The following FGD4 variants were observed in gnomAD, a reference collection of about 807,000 sequenced individuals.
FGD4 encodes the protein FYVE, RhoGEF and PH domain containing 4.
FGD4 carries 42 observed loss-of-function variants against 102.0 expected under a neutral mutation model. That is an observed-to-expected ratio of 0.41 (90% CI 0.32 to 0.53). The LOEUF (loss-of-function observed/expected upper bound fraction) is 0.53. Ranked by LOEUF, FGD4 falls within the 20% of genes least tolerant of loss-of-function variation. The pLI is 0.21. For synonymous variants in FGD4, 380 were observed against 375.7 expected (o/e 1.01, Z -0.13); for missense variants, 902 against 1,078.2 (o/e 0.84, Z 2.29).
At chr12:32,423,686 T>A (rs1451786599) in intron 1 of FGD4, among the ~76,000 whole-genome samples, 1 of 151,826 alleles carries the variant, frequency 6.6e-6, no homozygotes. Flanking sequence ...TGGTTGACTA[T>A]TTTTATGGTT....
chr12:32,570,100 C>T (rs1006731145), intron 2 of FGD4, among the ~76,000 whole-genome samples: 6 of 151,804 alleles, frequency 4.0e-5, no homozygotes, highest in Admixed American at 2.0e-4. Flanking sequence ...ATTAGCCAGT[C>T]GTGGGTGGTG....
intron 1 of FGD4, among the ~76,000 whole-genome samples, chr12:32,485,436 A>ATTTTTTT (rs372655892): frequency 8.8e-5 from 10 of 114,204 alleles, no homozygotes; most frequent in African/African-American, 1.6e-4. Context: ...TTTAAGACCA[A>ATTTTTTT]TTTTTTTTTT....
intron 1 of FGD4, among the ~76,000 whole-genome samples, chr12:32,553,000 G>A (rs1223036823): frequency 6.8e-6 from 1 of 146,274 alleles, no homozygotes; most frequent in Non-Finnish European, 1.5e-5. Flanking sequence ...CTCCATGTTG[G>A]TCAGGCTGGT....
chr12:32,605,185 C>T (rs553381238), intron 7 of FGD4, among the ~76,000 whole-genome samples: 209 of 152,160 alleles, frequency 1.4e-3, no homozygotes, highest in African/African-American at 4.8e-3. Context: ...ATGATTCCCC[C>T]GTCTCGGCTT....
At chr12:32,619,962 G>A in intron 11 of FGD4, 92 bp downstream of exon 11, 1 of 1,434,748 alleles carries the variant, frequency 7.0e-7, no homozygotes, top group Non-Finnish European at 9.7e-7. Flanking sequence ...TTTCTCAAGT[G>A]AATGCTGCAT....
At position 32,433,832 on chromosome 12, in the gene FGD4, T is replaced by C. The variant is rs181792234; in HGVS notation, c.166+33873T>C. Among the ~76,000 whole-genome samples the C allele has an allele frequency of 7.2e-4, 109 of 151,978 alleles. 1 individual carries two copies. Among genetic ancestry groups the C allele is most frequent in the African/African-American group, 2.5e-3 (105 of 41,464 alleles). On this transcript the variant is annotated intron_variant, in intron 1 of 16. Transcript: ENST00000534526. ...AGCAAAGGGATTGACTACCTGATAA[T>C]ATATTTACTTATTTATTTATTTATT...
chr12:32,481,706 A>T (rs1414539780), intron 1 of FGD4, among the ~76,000 whole-genome samples: 1 of 151,982 alleles, frequency 6.6e-6, no homozygotes, highest in Non-Finnish European at 1.5e-5. Context: ...CTGCAGTCCT[A>T]GCTACTTGGG....
intron 1 of FGD4, among the ~76,000 whole-genome samples, chr12:32,482,427 A>G (rs1943792543): frequency 6.6e-6 from 1 of 152,236 alleles, no homozygotes; most frequent in Non-Finnish European, 1.5e-5. Context: ...TAGCAACCAG[A>G]CCTTAAACCA....
intron 1 of FGD4, among the ~76,000 whole-genome samples, chr12:32,527,555 G>A (rs12367520): frequency 0.05 from 7,682 of 152,126 alleles, 275 homozygotes; most frequent in South Asian, 0.1. Flanking sequence ...TCAGCCTCCC[G>A]AGTAGCTGGG....
chr12:32,610,058 AT>A (rs1949045446), intron 8 of FGD4, among the ~76,000 whole-genome samples: 1 of 152,192 alleles, frequency 6.6e-6, no homozygotes, highest in African/African-American at 2.4e-5. Context: ...CTGTGAATGT[AT>A]TTTCCCAAAG....
intron 1 of FGD4, among the ~76,000 whole-genome samples, chr12:32,488,269 G>C (rs1052883083): frequency 1.3e-5 from 2 of 152,054 alleles, no homozygotes; most frequent in African/African-American, 4.8e-5. Flanking sequence ...CCAAGATAGT[G>C]TACTGACCTT....
intron 1 of FGD4, among the ~76,000 whole-genome samples, chr12:32,476,298 A>G (rs1221350597): frequency 1.3e-5 from 2 of 152,188 alleles, no homozygotes; most frequent in African/African-American, 4.8e-5. Context: ...ATTGTTGCAT[A>G]ATTAATAATT....
chr12:32,623,186 T>C (rs1417144532), intron 11 of FGD4, among the ~76,000 whole-genome samples: 1 of 151,838 alleles, frequency 6.6e-6, no homozygotes, highest in African/African-American at 2.4e-5. Context: ...AATAAAAATA[T>C]AAAGGGGAAA....
intron 1 of FGD4, among the ~76,000 whole-genome samples, chr12:32,417,861 C>T (rs1347985884): frequency 1.3e-5 from 2 of 151,420 alleles, no homozygotes; most frequent in Non-Finnish European, 2.9e-5. Flanking sequence ...TCTTCAATTT[C>T]TTTGAGTTTC....
chr12:32,544,159 C>T lies in FGD4; in HGVS notation c.167-19978C>T, dbSNP rs1592165249. Reference sequence around the variant, plus strand: ...ATTTGGCCAGAGCCAGCAGCCATGGCTTATGTCTGTAATCCCAGCACTTTG... The same window carrying T: ...ATTTGGCCAGAGCCAGCAGCCATGGTTTATGTCTGTAATCCCAGCACTTTG... On this transcript the variant is annotated intron_variant, in intron 1 of 16. Transcript: ENST00000534526. The surrounding 1 kb of genome is among the most constrained non-coding windows in gnomAD (Gnocchi z 4.1). Among the ~76,000 whole-genome samples the T allele has an allele frequency of 6.6e-6, 1 of 151,952 alleles. No homozygotes were observed. The highest frequency in any genetic ancestry group is 2.4e-5 in the African/African-American group (1 of 41,414).
chr12:32,550,670 CAAAAAAAAAA>C (rs71447606), intron 1 of FGD4, among the ~76,000 whole-genome samples: 7 of 89,238 alleles, frequency 7.8e-5, no homozygotes, highest in African/African-American at 2.6e-4. Flanking sequence ...GACACTGTCT[CAAAAAAAAAA>C]AAAAAAAAAA....
intron 1 of FGD4, among the ~76,000 whole-genome samples, chr12:32,492,508 T>C (rs1022211168): frequency 2.0e-5 from 3 of 152,224 alleles, no homozygotes; most frequent in African/African-American, 7.2e-5. Context: ...TAATTTCTTC[T>C]TTATATCAAA....
At chr12:32,453,720 A>G (rs1942873340) in intron 1 of FGD4, among the ~76,000 whole-genome samples, 1 of 152,146 alleles carries the variant, frequency 6.6e-6, no homozygotes, top group African/African-American at 2.4e-5. Flanking sequence ...TATAATTATT[A>G]TCATACTTTA....
At chr12:32,418,961 C>G (rs1428145113) in intron 1 of FGD4, among the ~76,000 whole-genome samples, 1 of 152,222 alleles carries the variant, frequency 6.6e-6, no homozygotes, top group East Asian at 1.9e-4. Context: ...CCTCCCCTTT[C>G]CACGGGCAGA....
Sources: allele counts gnomAD v4.1 joint callset (sites outside exome capture counted in the v4.1 genomes callset), GRCh38; gene constraint gnomAD v4.1.1; non-coding constraint Gnocchi (gnomAD v3.1); transcripts MANE v1.5; gene names NCBI Gene and HGNC (gene_info 2026-07-23, HGNC 2026-07-21).